Variants in CLEC19A observed in about 807,000 individuals in gnomAD.
CLEC19A encodes the protein C-type lectin domain containing 19A.
Under a neutral mutation model 26.1 loss-of-function variants are expected in CLEC19A, and 21 were observed. The observed-to-expected ratio is 0.80, with a 90% CI of 0.57 to 1.16. The LOEUF (loss-of-function observed/expected upper bound fraction) is 1.16. CLEC19A is among the 50% of genes most tolerant of loss of function. CLEC19A has a pLI of 0.00. For synonymous variants in CLEC19A, 89 were observed against 88.6 expected, an observed-to-expected ratio of 1.00 and a Z score of -0.03; for missense variants, 224 against 227.6, an observed-to-expected ratio of 0.98 and a Z score of 0.10.
rs1445454751 is a variant in CLEC19A at position 19,285,840 on chromosome 16, T to C, written c.-12T>C. ...CCACTCAGGCTGGGAGGTTGCTTTCTAGGAGCTCAGGATGCAAAGGTGGAC... is the reference window on the plus strand; with the variant it reads ...CCACTCAGGCTGGGAGGTTGCTTTCCAGGAGCTCAGGATGCAAAGGTGGAC... On this transcript the variant is annotated 5_prime_UTR_variant, in exon 1 of 5. Transcript: ENST00000636231. 17 of 1,550,210 alleles carry C rather than the reference T, an allele frequency of 1.1e-5. No individual in the cohort carries two copies. The highest frequency in any genetic ancestry group is 1.4e-5 in the Non-Finnish European group (16 of 1,146,850).
At chr16:19,294,904 C>A (rs912094414) in intron 1 of CLEC19A, among the ~76,000 whole-genome samples, 1 of 151,962 alleles carries the variant, frequency 6.6e-6, no homozygotes, top group Admixed American at 6.6e-5. Flanking sequence ...TGGAGTCCTG[C>A]CTTCCATCTG....
chr16:19,308,920 G>A, intron 4 of CLEC19A, 84 bp from the exon 5 acceptor site: 1 of 1,083,866 alleles, frequency 9.2e-7, no homozygotes, highest in Non-Finnish European at 1.4e-6. Flanking sequence ...ATTGGAGATG[G>A]CTTTTACTTC....
intron 1 of CLEC19A, among the ~76,000 whole-genome samples, chr16:19,287,358 T>C (rs1033615181): frequency 6.6e-6 from 1 of 151,956 alleles, no homozygotes; most frequent in Non-Finnish European, 1.5e-5. Flanking sequence ...ACTAATCCCA[T>C]CATAAGGATG....
chr16:19,304,426 G>A (rs1897906933), intron 3 of CLEC19A: 2 of 310,506 alleles, frequency 6.4e-6, no homozygotes, highest in Non-Finnish European at 1.2e-5. Flanking sequence ...CACTAGGCCG[G>A]GTGTGGAGGC....
intron 1 of CLEC19A, among the ~76,000 whole-genome samples, chr16:19,292,261 TG>T (rs1897605859): frequency 2.0e-5 from 3 of 152,322 alleles, no homozygotes; most frequent in African/African-American, 7.2e-5. Context: ...GGGGCTCTTA[TG>T]AAAATGCAGA....
At position 19,310,798 on chromosome 16, in the gene CLEC19A, T is replaced by C. The variant is rs1898054663; in HGVS notation, c.*1715T>C. On this transcript the variant is annotated 3_prime_UTR_variant, in exon 5 of 5. Coordinates refer to ENST00000636231, the MANE Select transcript of CLEC19A (RefSeq NM_001256720.2). ...GGATGTGTGGAGGGGGAATAGAAAG[T>C]GAGTGCTAATAGGTATGGGATTACT... 6.6e-6 allele frequency: 1 copy of C among 152,052 alleles called. No homozygotes were observed. The highest frequency in any genetic ancestry group is 1.5e-5 in the Non-Finnish European group (1 of 67,996). 9.4% of individuals were successfully genotyped at this position (152,052 alleles called of 1,614,324 possible).
At position 19,298,736 on chromosome 16, in the gene CLEC19A, G is replaced by A; in HGVS notation, c.152G>A (p.Cys51Tyr). 4 of 1,550,964 alleles carry A rather than the reference G, an allele frequency of 2.6e-6. No individual in the cohort carries two copies. Among genetic ancestry groups the A allele is most frequent in the Non-Finnish European group, 3.5e-6 (4 of 1,147,088 alleles). ...TTCTGGATGGAGTTCAAAGGCCACT[G>A]CTATCGATTCTTCCCTCTCAATAAG... ...PLFWMEFKGH[C>Y]YRFFPLNKTW... is the part of the protein sequence containing the mutation. The change falls in exon 2 of 5, where the codon TGC (cysteine) becomes TAC (tyrosine). Residue 51 changes from cysteine (C) to tyrosine (Y), a missense_variant. Physicochemically the swap from Cys to Tyr is radical, Grantham distance 194 (BLOSUM62 -2). Transcript: ENST00000636231.
chr16:19,288,759 A>G (rs749256480), intron 1 of CLEC19A, among the ~76,000 whole-genome samples: 8 of 152,116 alleles, frequency 5.3e-5, no homozygotes, highest in African/African-American at 1.7e-4. Flanking sequence ...TCGACCATCA[A>G]AAAGTTTCCT....
rs1171248968 is a variant in CLEC19A, at chr16:19,301,736, G to GTTTTTTTTTTTTTTTTTTTTTTTT, written c.255-2321_255-2298dup. On this transcript the variant is annotated intron_variant, in intron 2 of 4. Coordinates refer to ENST00000636231, the MANE Select transcript of CLEC19A (RefSeq NM_001256720.2). The stretch of plus-strand genomic sequence containing the variant: ...ATGACACCATGCCCAGGTTTTTTTG[G>GTTTTTTTTTTTTTTTTTTTTTTTT]TTTTTTTTTTTTTTTTTTTTTTTTT... Among the ~76,000 whole-genome samples the GTTTTTTTTTTTTTTTTTTTTTTTT allele has an allele frequency of 1.5e-4, 12 of 81,492 alleles. 1 individual carries two copies. The highest frequency in any genetic ancestry group is 4.8e-4 in the African/African-American group (10 of 20,926). The allele number at this position is 81,492 out of a possible 152,430, so 53.5% of individuals were successfully genotyped here. A position where few individuals can be genotyped will look rare whatever the true frequency, so the allele number is the denominator to read the frequency against.
At chr16:19,301,916 G>A (rs1027650201) in intron 2 of CLEC19A, among the ~76,000 whole-genome samples, 2 of 151,726 alleles carry the variant, frequency 1.3e-5, no homozygotes, top group Admixed American at 6.6e-5. Context: ...AAACTTGTGA[G>A]GCATTAAAAG....
intron 1 of CLEC19A, among the ~76,000 whole-genome samples, chr16:19,287,852 T>C (rs972403528): frequency 6.6e-6 from 1 of 152,220 alleles, no homozygotes; most frequent in East Asian, 1.9e-4. Flanking sequence ...AAATGAGTTA[T>C]TGCCATTACT....
At chr16:19,307,321 C>T (rs1431542141) in intron 3 of CLEC19A, among the ~76,000 whole-genome samples, 2 of 152,170 alleles carry the variant, frequency 1.3e-5, no homozygotes, top group Admixed American at 1.3e-4. Flanking sequence ...AAGTTCCTGG[C>T]ATGGCACATA....
rs529713645 is a variant in CLEC19A at position 19,307,768 on chromosome 16, C to A, written c.481+91C>A. On this transcript the variant is annotated intron_variant, in intron 4 of 4. Transcript: ENST00000636231. ...GAGAAGGGCCTTGGGGGAAGAGGAG[C>A]ACCTGATGGCCTGAGACTGGCAAAT... 24 of 1,489,408 alleles carry A rather than the reference C, an allele frequency of 1.6e-5. No individual in the cohort carries two copies. In the South Asian group the frequency reaches 2.5e-4, roughly 16 times the overall value. 92.3% of individuals were successfully genotyped at this position (1,489,408 alleles called of 1,614,324 possible).
At chr16:19,294,192 C>A (rs140777311) in intron 1 of CLEC19A, among the ~76,000 whole-genome samples, 1 of 151,906 alleles carries the variant, frequency 6.6e-6, no homozygotes, top group East Asian at 1.9e-4. Context: ...AGAGCAGAGA[C>A]GTCCAGATTA....
At chr16:19,292,074 C>T (rs148895557) in intron 1 of CLEC19A, among the ~76,000 whole-genome samples, 1 of 152,274 alleles carries the variant, frequency 6.6e-6, no homozygotes, top group Non-Finnish European at 1.5e-5. Flanking sequence ...GACCCTTTTC[C>T]CCTTCTCACT....
At position 19,290,139 on chromosome 16, in the gene CLEC19A, G is replaced by A. The variant is rs148793716; in HGVS notation, c.88+4200G>A. ...TTATTCCTTTAAAAAGAGTGGGGGT[G>A]GGGGGGAGCCCTGAGTTCCACTGAT... On this transcript the variant is annotated intron_variant, in intron 1 of 4. Transcript: ENST00000636231. Among the ~76,000 whole-genome samples, 151 of 152,040 alleles carry A rather than the reference G, an allele frequency of 9.9e-4. 1 individual carries two copies. The highest frequency in any genetic ancestry group is 5.2e-3 in the East Asian group (27 of 5,160).
At chr16:19,295,202 T>C (rs1031261562) in intron 1 of CLEC19A, among the ~76,000 whole-genome samples, 1 of 146,902 alleles carries the variant, frequency 6.8e-6, no homozygotes, top group Non-Finnish European at 1.5e-5. Context: ...TCTCAGGGTT[T>C]TGTTGTTGTT....
intron 2 of CLEC19A, among the ~76,000 whole-genome samples, chr16:19,301,735 G>GTTTTTTTTTTTTTTTTTT (rs750529291): frequency 3.4e-4 from 12 of 35,138 alleles, no homozygotes; most frequent in African/African-American, 9.6e-4. Context: ...AGGTTTTTTT[G>GTTTTTTTTTTTTTTTTTT]GTTTTTTTTT....
At chr16:19,288,074 C>T (rs142820501) in intron 1 of CLEC19A, among the ~76,000 whole-genome samples, 1 of 152,262 alleles carries the variant, frequency 6.6e-6, no homozygotes, top group East Asian at 1.9e-4. Context: ...CTTAAAGATC[C>T]ACTCAGCCCA....
Sources: allele counts gnomAD v4.1 joint callset (sites outside exome capture counted in the v4.1 genomes callset), GRCh38; gene constraint gnomAD v4.1.1; transcripts MANE v1.5; gene names NCBI Gene and HGNC (gene_info 2026-07-23, HGNC 2026-07-21).